Variants in EYS observed in about 807,000 individuals in gnomAD.
The protein encoded by EYS is EGF-like photoreceptor maintenance factor.
Under a neutral mutation model 282.1 loss-of-function variants are expected in EYS, and 250 were observed. That is an observed-to-expected ratio of 0.89 (90% CI 0.80 to 0.98). The LOEUF is 0.98. EYS is among the 50% of genes least tolerant of loss of function. The pLI, the probability that EYS is intolerant of heterozygous loss-of-function variation, is 0.00. For missense variants in EYS, 4,016 were observed against 3,709.0 expected (o/e 1.08, Z -2.15); for synonymous variants, 1,355 against 1,282.9 (o/e 1.06, Z -1.20).
chr6:65,364,884 G>A (rs571759501), intron 8 of EYS, among the ~76,000 whole-genome samples: 11 of 151,804 alleles, frequency 7.2e-5, no homozygotes, highest in African/African-American at 1.9e-4. Context: ...ATTCAAATGC[G>A]AAAAGTAACT....
At chr6:64,618,388 T>C (rs1169630254) in intron 23 of EYS, among the ~76,000 whole-genome samples, 2 of 152,132 alleles carry the variant, frequency 1.3e-5, no homozygotes, top group Admixed American at 6.6e-5. Context: ...CCCTTCCACA[T>C]AGGGACAATG....
chr6:65,085,259 CA>C (rs1774333336), intron 12 of EYS, among the ~76,000 whole-genome samples: 1 of 152,086 alleles, frequency 6.6e-6, no homozygotes, highest in Non-Finnish European at 1.5e-5. Context: ...GCTTTTATGA[CA>C]ACATTCAATC....
intron 2 of EYS, among the ~76,000 whole-genome samples, chr6:65,515,707 C>T (rs1455671208): frequency 6.8e-6 from 1 of 147,054 alleles, no homozygotes; most frequent in African/African-American, 2.5e-5. Flanking sequence ...AACCAAACAC[C>T]GCATATTCTC....
intron 2 of EYS, among the ~76,000 whole-genome samples, chr6:65,511,231 C>A (rs1373465154): frequency 6.6e-6 from 1 of 152,094 alleles, no homozygotes; most frequent in Non-Finnish European, 1.5e-5. Flanking sequence ...ATGGTATATG[C>A]TTTTCATCTA....
rs772076252 is a variant in EYS, at chr6:64,741,996, A to G, written c.3443+71382T>C. The stretch of plus-strand genomic sequence containing the variant: ...TCTTCAAATATTTTTTTTTATTTGC[A>G]TTCAAAACCTGGCTATTTGGTGCAA... On this transcript the variant is annotated intron_variant, in intron 22 of 42. Transcript: ENST00000503581. Among the ~76,000 whole-genome samples, 39 of 152,086 alleles carry G rather than the reference A, an allele frequency of 2.6e-4. 1 individual carries two copies. Among genetic ancestry groups the G allele is most frequent in the Admixed American group, 1.2e-3 (19 of 15,260 alleles).
intron 26 of EYS, among the ~76,000 whole-genome samples, chr6:64,526,886 A>ACTGAGTTG (rs1447988960): frequency 1.3e-5 from 2 of 151,852 alleles, no homozygotes; most frequent in Non-Finnish European, 3.0e-5. Context: ...CAAGGCTAAT[A>ACTGAGTTG]CTGAGTTGCA....
intron 26 of EYS, among the ~76,000 whole-genome samples, chr6:64,497,058 T>A (rs1298617153): frequency 6.6e-6 from 1 of 152,122 alleles, no homozygotes; most frequent in East Asian, 1.9e-4. Flanking sequence ...AATCCCAGTT[T>A]AATTAAATAT....
intron 12 of EYS, among the ~76,000 whole-genome samples, chr6:65,182,088 A>C (rs949354523): frequency 6.6e-6 from 1 of 151,996 alleles, no homozygotes; most frequent in African/African-American, 2.4e-5. Context: ...GGATAGCATT[A>C]GGAGATATAC....
chr6:64,324,871 A>G (rs1285943549), intron 29 of EYS, among the ~76,000 whole-genome samples: 2 of 152,192 alleles, frequency 1.3e-5, no homozygotes, highest in East Asian at 3.9e-4. Context: ...TACAGTAACC[A>G]CAAAGAAAAT....
intron 5 of EYS, among the ~76,000 whole-genome samples, chr6:65,415,256 T>C (rs897706976): frequency 6.6e-6 from 1 of 152,020 alleles, no homozygotes; most frequent in Non-Finnish European, 1.5e-5. Context: ...GGATGGTCCC[T>C]TAACCAGTAG....
At chr6:64,448,241 A>G (rs1775187317) in intron 26 of EYS, among the ~76,000 whole-genome samples, 1 of 152,238 alleles carries the variant, frequency 6.6e-6, no homozygotes. Flanking sequence ...TCCTATGCCC[A>G]CGGAGCCTTG....
intron 22 of EYS, among the ~76,000 whole-genome samples, chr6:64,719,977 T>C (rs1467866183): frequency 6.6e-6 from 1 of 152,208 alleles, no homozygotes; most frequent in Non-Finnish European, 1.5e-5. Flanking sequence ...TATATGTTAG[T>C]GTCCTATTAC....
chr6:64,869,307 A>C (rs1766519874), intron 19 of EYS, among the ~76,000 whole-genome samples: 1 of 151,558 alleles, frequency 6.6e-6, no homozygotes, highest in African/African-American at 2.4e-5. Flanking sequence ...ATCTCATCTA[A>C]TTCTTTTTTG....
intron 26 of EYS, among the ~76,000 whole-genome samples, chr6:64,526,671 T>C (rs1218170965): frequency 2.0e-5 from 3 of 151,716 alleles, no homozygotes; most frequent in Non-Finnish European, 4.4e-5. Context: ...TCTTTGGAAA[T>C]AGGGAAAAAG....
intron 29 of EYS, among the ~76,000 whole-genome samples, chr6:64,319,819 T>C: frequency 6.6e-6 from 1 of 151,924 alleles, no homozygotes; most frequent in Admixed American, 6.6e-5. Flanking sequence ...AGACCTTTCT[T>C]CCCTGCTGCT....
intron 2 of EYS, among the ~76,000 whole-genome samples, chr6:65,528,410 G>A (rs1767646936): frequency 1.3e-5 from 2 of 152,136 alleles, no homozygotes; most frequent in African/African-American, 2.4e-5. Context: ...TATCTACTAT[G>A]GTTTGAATGT....
At chr6:65,185,058 G>A (rs960007853) in intron 12 of EYS, among the ~76,000 whole-genome samples, 2 of 150,928 alleles carry the variant, frequency 1.3e-5, no homozygotes, top group Non-Finnish European at 3.0e-5. Context: ...CTATATGTGT[G>A]ATTGATCTGA....
chr6:65,331,047 C>A, intron 11 of EYS: 1 of 984,254 alleles, frequency 1.0e-6, no homozygotes, highest in Non-Finnish European at 1.2e-6. Context: ...TAAAGGCACC[C>A]ATATGTGTTA....
At chr6:64,488,238 A>T (rs1776633791) in intron 26 of EYS, among the ~76,000 whole-genome samples, 1 of 151,024 alleles carries the variant, frequency 6.6e-6, no homozygotes, top group Admixed American at 6.6e-5. Flanking sequence ...ATTTGGCCAA[A>T]TTCTAAGCTA....
Sources: gnomAD v4.1 joint callset for allele counts (sites outside exome capture counted in the v4.1 genomes callset) on GRCh38, gnomAD v4.1.1 for gene constraint, MANE v1.5 for transcripts, NCBI Gene and HGNC (gene_info 2026-07-23, HGNC 2026-07-21) for gene names.